Variants in MAGEA11 observed in about 807,000 individuals in gnomAD.
MAGEA11 encodes MAGE family member A11, also known as melanoma-associated antigen 11.
In MAGEA11, 1 loss-of-function variant was observed where a neutral mutation model predicts 8.4. The observed-to-expected ratio is 0.12, with a 90% CI of 0.04 to 0.57. The LOEUF is 0.57. MAGEA11 is among the 20% of genes least tolerant of loss of function. MAGEA11 has a pLI of 0.91. For synonymous variants in MAGEA11, 127 were observed against 119.3 expected (o/e 1.06, Z -0.42); for missense variants, 209 against 317.3 (o/e 0.66, Z 2.59).
chrX:149,704,873 G>C (rs1557361299), intron 1 of MAGEA11, among the ~76,000 whole-genome samples: 1 of 112,653 alleles, frequency 8.9e-6, no homozygotes, highest in Non-Finnish European at 1.9e-5. Flanking sequence ...ATACATGGTG[G>C]GGCAAGTAGG....
chrX:149,690,392 C>T (rs782426779), intron 1 of MAGEA11, among the ~76,000 whole-genome samples: 5 of 112,580 alleles, frequency 4.4e-5, no homozygotes, highest in African/African-American at 1.3e-4. Context: ...ACATAATAAA[C>T]GATGAGTGTT....
chrX:149,707,755 C>T (rs782808967), upstream of MAGEA11, among the ~76,000 whole-genome samples: 1 of 112,098 alleles, frequency 8.9e-6, no homozygotes, highest in Admixed American at 9.4e-5. Context: ...ACACTCCCAA[C>T]TTTGTTGGTT....
At position 149,714,705 on chromosome X, in the gene MAGEA11, A is replaced by G. The variant is rs782424647; in HGVS notation, c.192+129A>G. Reference sequence around the variant, plus strand: ...GACTATGTGCTGAGACCCCTCTCTTATACTGGGATCATTGGTCTCAGGGAG... The same window carrying G: ...GACTATGTGCTGAGACCCCTCTCTTGTACTGGGATCATTGGTCTCAGGGAG... On this transcript the variant is annotated intron_variant, in intron 3 of 4. Transcript: ENST00000355220. 1.5e-5 allele frequency: 16 copies of G among 1,041,729 alleles called. 1 individual carries two copies. In the South Asian group the frequency reaches 3.4e-4, roughly 22 times the overall value. 85.9% of individuals were successfully genotyped at this position (1,041,729 alleles called of 1,213,427 possible).
At chrX:149,708,532 A>T (rs1353817192), upstream of MAGEA11, among the ~76,000 whole-genome samples, 1 of 112,136 alleles carries the variant, frequency 8.9e-6, no homozygotes, top group Non-Finnish European at 1.9e-5. Flanking sequence ...TTGGAGAGAG[A>T]CCCAAGGGTG....
At chrX:149,713,684 T>A (rs1557362142) in intron 2 of MAGEA11, 1 of 124,217 alleles carries the variant, frequency 8.1e-6, no homozygotes, top group Non-Finnish European at 1.6e-5. Flanking sequence ...CCATGAGGGG[T>A]GTCCATGTAG....
chrX:149,704,623 C>T (rs2090368297), intron 1 of MAGEA11, among the ~76,000 whole-genome samples: 1 of 112,120 alleles, frequency 8.9e-6, no homozygotes, highest in African/African-American at 3.2e-5. Flanking sequence ...TCCAGGAAGA[C>T]TTCCATTGAC....
At chrX:149,699,960 G>C (rs2090345016) in intron 1 of MAGEA11, among the ~76,000 whole-genome samples, 1 of 111,517 alleles carries the variant, frequency 9.0e-6, no homozygotes, top group African/African-American at 3.3e-5. Context: ...CAGGATGGAG[G>C]GTTTGCGCAA....
intron 2 of MAGEA11, chrX:149,714,183 G>A: frequency 3.5e-6 from 1 of 287,970 alleles, no homozygotes; most frequent in East Asian, 6.2e-5. Flanking sequence ...CCTGTCCTTG[G>A]CTGTGTGGGG....
At position 149,716,596 on chromosome X, in the gene MAGEA11, G is replaced by A. The variant is rs781785453; in HGVS notation, c.1110G>A (p.Val370=). The change falls in exon 5 of 5, where the codon GTG becomes GTA. Residue 370 remains valine, a synonymous_variant. Coordinates refer to ENST00000355220, the MANE Select transcript of MAGEA11 (RefSeq NM_005366.5). ...TQNWVQEKYL[V]YRQVPGTDPA... is the part of the protein sequence containing the mutation. ...ATTGGGTGCAGGAAAAGTACCTGGT[G>A]TACCGGCAGGTGCCCGGCACTGATC... 2.4e-5 allele frequency: 29 copies of A among 1,210,042 alleles called. No homozygotes were observed. The highest frequency in any genetic ancestry group is 2.9e-5 in the Non-Finnish European group (26 of 895,169).
At chrX:149,708,775 T>G (rs1157208629), upstream of MAGEA11, among the ~76,000 whole-genome samples, 1 of 110,729 alleles carries the variant, frequency 9.0e-6, no homozygotes, top group African/African-American at 3.3e-5. Context: ...GGTTACTGAG[T>G]TGGTTTACAT....
chrX:149,700,568 CT>C (rs781950168), intron 1 of MAGEA11, among the ~76,000 whole-genome samples: 122 of 106,575 alleles, frequency 1.1e-3, no homozygotes, highest in African/African-American at 3.6e-3. Flanking sequence ...AATATGTTAA[CT>C]TTTTTTTTAT....
intron 3 of MAGEA11, among the ~76,000 whole-genome samples, chrX:149,715,192 T>A (rs1557362322): frequency 9.0e-6 from 1 of 111,329 alleles, no homozygotes; most frequent in Non-Finnish European, 1.9e-5. Context: ...AGCTGTGTCT[T>A]CCAGGCCCTG....
chrX:149,712,287 C>T, intron 1 of MAGEA11, 125 bp downstream of exon 1: 1 of 259,099 alleles, frequency 3.9e-6, no homozygotes. Flanking sequence ...AGACAATCCC[C>T]CTCCTCAATG....
At chrX:149,712,739 C>T (rs1171651416) in intron 1 of MAGEA11, among the ~76,000 whole-genome samples, 11 of 112,320 alleles carry the variant, frequency 9.8e-5, no homozygotes, top group Middle Eastern at 4.6e-3. Context: ...ACACCCCCCT[C>T]GGCTTCTGCC....
chrX:149,695,015 C>T (rs972972862), intron 1 of MAGEA11, among the ~76,000 whole-genome samples: 1 of 111,844 alleles, frequency 8.9e-6, no homozygotes, highest in Non-Finnish European at 1.9e-5. Context: ...CCACCACACC[C>T]GGCCAATTTT....
At chrX:149,690,834 T>C (rs1263120692) in intron 1 of MAGEA11, among the ~76,000 whole-genome samples, 1 of 111,944 alleles carries the variant, frequency 8.9e-6, no homozygotes, top group African/African-American at 3.2e-5. Context: ...GCACATATGT[T>C]GGTGATAAAT....
chrX:149,707,930 CA>C (rs1162907077), upstream of MAGEA11, among the ~76,000 whole-genome samples: 3 of 112,398 alleles, frequency 2.7e-5, no homozygotes, highest in Non-Finnish European at 5.6e-5. Flanking sequence ...GGGAGGATTG[CA>C]ATTTTAGAAA....
chrX:149,694,720 TC>T (rs1316770563), intron 1 of MAGEA11, among the ~76,000 whole-genome samples: 2 of 111,598 alleles, frequency 1.8e-5, no homozygotes, highest in Non-Finnish European at 3.8e-5. Context: ...TCTTTTCTTT[TC>T]TTTTTTTTAA....
rs1160573571 is a variant in MAGEA11 at position 149,712,977 on chromosome X, G to A, written c.-17-166G>A. ...GATTTCCGCATCCTGGGCTGACAGAGGGAAGGGGCTTGGTATCATGAGAAA... is the reference window on the plus strand; with the variant it reads ...GATTTCCGCATCCTGGGCTGACAGAAGGAAGGGGCTTGGTATCATGAGAAA... On this transcript the variant is annotated intron_variant, in intron 1 of 4. Transcript: ENST00000355220. Among the ~76,000 whole-genome samples, 3 of 112,322 alleles carry A rather than the reference G, an allele frequency of 2.7e-5. No individual in the cohort carries two copies. In the Admixed American group the frequency reaches 2.8e-4, roughly 10 times the overall value.
Sources: gnomAD v4.1 joint callset for allele counts (sites outside exome capture counted in the v4.1 genomes callset) on GRCh38, gnomAD v4.1.1 for gene constraint, MANE v1.5 for transcripts, NCBI Gene and HGNC (gene_info 2026-07-23, HGNC 2026-07-21) for gene names.